The following PCDHGB1 variants were observed in gnomAD, a reference collection of about 807,000 sequenced individuals.
The protein encoded by PCDHGB1 is protocadherin gamma subfamily B, 1, also known as protocadherin gamma-B1.
In PCDHGB1, 34 loss-of-function variants were observed where a neutral mutation model predicts 56.6. That is an observed-to-expected ratio of 0.60 (90% CI 0.46 to 0.80). The LOEUF (loss-of-function observed/expected upper bound fraction) is 0.80. Among genes scored for constraint, PCDHGB1 ranks in the 30% least tolerant of loss-of-function variants. The pLI, the probability that PCDHGB1 is intolerant of heterozygous loss-of-function variation, is 0.00. For synonymous variants in PCDHGB1, 561 were observed against 505.9 expected, an observed-to-expected ratio of 1.11 and a Z score of -1.46; for missense variants, 1,278 against 1,204.6, an observed-to-expected ratio of 1.06 and a Z score of -0.90.
intron 1 of PCDHGB1, chr5:141,382,993 C>A (rs762865747): frequency 6.2e-7 from 1 of 1,613,660 alleles, no homozygotes; most frequent in South Asian, 1.1e-5. Context: ...AGGACGTATT[C>A]TCTACTCCGT....
intron 1 of PCDHGB1, among the ~76,000 whole-genome samples, chr5:141,382,057 G>A (rs1777911677): frequency 6.6e-6 from 1 of 151,794 alleles, no homozygotes; most frequent in Non-Finnish European, 1.5e-5. Flanking sequence ...TCAAGCTCCC[G>A]ACCTCAGGTG....
intron 1 of PCDHGB1, among the ~76,000 whole-genome samples, chr5:141,463,393 C>CA (rs955461719): frequency 5.7e-5 from 8 of 140,804 alleles, no homozygotes; most frequent in Non-Finnish European, 7.6e-5. Flanking sequence ...TGTCTCCAGG[C>CA]AAAAAAAATG....
intron 1 of PCDHGB1, chr5:141,410,024 G>A (rs771946302): frequency 1.9e-6 from 3 of 1,613,164 alleles, no homozygotes; most frequent in South Asian, 1.1e-5. Context: ...GTCCTACCAC[G>A]TGCTGCAGGC....
At position 141,490,712 on chromosome 5, in the gene PCDHGB1, A is replaced by T; in HGVS notation, c.2410-4095A>T. The stretch of plus-strand genomic sequence containing the variant: ...ACTGGGGATAATGCCCGCCTCACCT[A>T]CTCCATTGTAGGAAATCAGGTTCAG... On this transcript the variant is annotated intron_variant, in intron 1 of 3. Transcript: ENST00000523390. The surrounding 1 kb of genome is among the most constrained non-coding windows in gnomAD (Gnocchi z 5.4). The T allele has an allele frequency of 6.2e-7, 1 of 1,613,686 alleles. No homozygotes were observed. The highest frequency in any genetic ancestry group is 8.5e-7 in the Non-Finnish European group (1 of 1,179,894).
chr5:141,404,902 C>T, intron 1 of PCDHGB1: 1 of 1,613,856 alleles, frequency 6.2e-7, no homozygotes, highest in Non-Finnish European at 8.5e-7. Context: ...AGGACCATGG[C>T]CAGCCCCCTC....
intron 1 of PCDHGB1, among the ~76,000 whole-genome samples, chr5:141,474,644 C>G (rs1016496399): frequency 4.6e-5 from 7 of 152,180 alleles, no homozygotes; most frequent in Non-Finnish European, 1.0e-4. Flanking sequence ...CCTATATATC[C>G]TTACTTCTTT....
At chr5:141,389,069 T>A in intron 1 of PCDHGB1, 1 of 1,614,016 alleles carries the variant, frequency 6.2e-7, no homozygotes, top group Non-Finnish European at 8.5e-7. Flanking sequence ...TATTAACTTC[T>A]TCAAGAAACA....
At chr5:141,370,214 C>A (rs988145754) in intron 1 of PCDHGB1, 8 of 565,608 alleles carry the variant, frequency 1.4e-5, no homozygotes, top group Non-Finnish European at 2.1e-5. Flanking sequence ...ATTGGCTCCT[C>A]CCGCTGCAGC....
At position 141,489,646 on chromosome 5, in the gene PCDHGB1, C is replaced by A. The variant is rs1274955075; in HGVS notation, c.2410-5161C>A. 1.2e-6 allele frequency: 2 copies of A among 1,614,186 alleles called. No homozygotes were observed. The highest frequency in any genetic ancestry group is 2.7e-5 in the African/African-American group (2 of 75,048). On this transcript the variant is annotated intron_variant, in intron 1 of 3. Coordinates refer to ENST00000523390, the MANE Select transcript of PCDHGB1 (RefSeq NM_018922.3). This position sits in a 1 kb window ranked among gnomAD's most constrained non-coding sequence, Gnocchi z 4.5. Reference sequence around the variant, plus strand: ...TGACAACTCTCCTAGCTTTGCCACCCCTGAGCGAGAGATGCGCATCTCAGA... The same window carrying A: ...TGACAACTCTCCTAGCTTTGCCACCACTGAGCGAGAGATGCGCATCTCAGA...
intron 1 of PCDHGB1, chr5:141,400,754 C>G: frequency 1.7e-6 from 1 of 589,004 alleles, no homozygotes. Context: ...TTAGCTTCCT[C>G]TCTAGCAAAA....
Position 141,511,252 on chromosome 5 carries a change from G to C in PCDHGB1, c.*79G>C. 6.4e-7 allele frequency: 1 copy of C among 1,568,260 alleles called. No homozygotes were observed. The highest frequency in any genetic ancestry group is 8.6e-7 in the Non-Finnish European group (1 of 1,157,002). On this transcript the variant is annotated 3_prime_UTR_variant, in exon 4 of 4. Coordinates refer to ENST00000523390, the MANE Select transcript of PCDHGB1 (RefSeq NM_018922.3). ...TCTCCTTACCTGCACCCAGGCCTCA[G>C]AGTTTCAGGGCTAACCCCCAGAATA... is the stretch of plus-strand genomic sequence containing the variant.
intron 1 of PCDHGB1, chr5:141,375,433 C>T: frequency 6.2e-7 from 1 of 1,614,016 alleles, no homozygotes; most frequent in African/African-American, 1.3e-5. Context: ...ACAACCCGCC[C>T]ACCTTCCCCC....
chr5:141,440,931 C>G (rs2098213287), intron 1 of PCDHGB1: 1 of 152,186 alleles, frequency 6.6e-6, no homozygotes, highest in Non-Finnish European at 1.5e-5. Context: ...GTGAGGGCCA[C>G]CAACCAGGAC....
intron 1 of PCDHGB1, among the ~76,000 whole-genome samples, chr5:141,407,512 T>C (rs910710605): frequency 6.6e-6 from 1 of 152,192 alleles, no homozygotes; most frequent in East Asian, 1.9e-4. Context: ...TCTTAGGCTA[T>C]GTAGGACTTA....
chr5:141,356,006 C>T lies in PCDHGB1; in HGVS notation c.2409+3337C>T, dbSNP rs764436423. ...CTACTCACCGTAAAAGCCACTGATCCAGATGAAGGAGCCAATGGAGACGTG... is the reference window on the plus strand; with the variant it reads ...CTACTCACCGTAAAAGCCACTGATCTAGATGAAGGAGCCAATGGAGACGTG... On this transcript the variant is annotated intron_variant, in intron 1 of 3. Transcript: ENST00000523390. The T allele has an allele frequency of 4.3e-6, 7 of 1,613,876 alleles. No homozygotes were observed. The Admixed American group carries it at 1.2e-4, about 27-fold the overall frequency.
At chr5:141,413,316 T>C (rs769316460) in intron 1 of PCDHGB1, 13 of 1,613,976 alleles carry the variant, frequency 8.1e-6, no homozygotes, top group Non-Finnish European at 1.1e-5. Flanking sequence ...AGAAAGGCTC[T>C]TTCGTGGGCA....
At chr5:141,357,653 C>G (rs1478258336) in intron 1 of PCDHGB1, 1 of 1,607,882 alleles carries the variant, frequency 6.2e-7, no homozygotes, top group South Asian at 1.1e-5. Flanking sequence ...TCATACCACA[C>G]TGAAATATAG....
intron 1 of PCDHGB1, chr5:141,441,637 C>T (rs1200679247): frequency 4.4e-6 from 1 of 228,574 alleles, no homozygotes; most frequent in South Asian, 4.8e-5. Context: ...GAGCCACAGG[C>T]GCTGTGATTC....
rs966291038 is a variant in PCDHGB1, at chr5:141,487,740, G to A, written c.2410-7067G>A. 4 of 1,562,290 alleles carry A rather than the reference G, an allele frequency of 2.6e-6. No individual in the cohort carries two copies. The highest frequency in any genetic ancestry group is 1.7e-6 in the Non-Finnish European group (2 of 1,151,972). On this transcript the variant is annotated intron_variant, in intron 1 of 3. Transcript: ENST00000523390. The surrounding 1 kb of genome is among the most constrained non-coding windows in gnomAD (Gnocchi z 5.0). ...CATAGTGATGTCACCATTTTTGTAAGAGGTAACTATGTGGTAGACGCTGTG... is the reference window on the plus strand; with the variant it reads ...CATAGTGATGTCACCATTTTTGTAAAAGGTAACTATGTGGTAGACGCTGTG...
Sources: allele counts gnomAD v4.1 joint callset (sites outside exome capture counted in the v4.1 genomes callset), GRCh38; gene constraint gnomAD v4.1.1; non-coding constraint Gnocchi (gnomAD v3.1); transcripts MANE v1.5; gene names NCBI Gene and HGNC (gene_info 2026-07-23, HGNC 2026-07-21).